Variants in PIK3AP1 observed in about 807,000 individuals in gnomAD.
PIK3AP1 encodes the protein phosphoinositide-3-kinase adaptor protein 1, also known as phosphoinositide 3-kinase adapter protein 1.
Under a neutral mutation model 88.1 loss-of-function variants are expected in PIK3AP1, and 21 were observed. The observed-to-expected ratio is 0.24, with a 90% CI of 0.17 to 0.34. The LOEUF is 0.34. Among genes scored for constraint, PIK3AP1 ranks in the 10% least tolerant of loss-of-function variants. The pLI, the probability that PIK3AP1 is intolerant of heterozygous loss-of-function variation, is 1.00. For synonymous variants in PIK3AP1, 398 were observed against 400.0 expected (o/e 1.00, Z 0.06); for missense variants, 828 against 1,035.7 (o/e 0.80, Z 2.75).
chr10:96,642,759 C>G (rs1843409176), intron 8 of PIK3AP1, among the ~76,000 whole-genome samples: 1 of 152,200 alleles, frequency 6.6e-6, no homozygotes, highest in Non-Finnish European at 1.5e-5. Context: ...AGGGGCCCAG[C>G]AGACCAGGAA....
Position 96,616,291 on chromosome 10 carries a change from C to T in PIK3AP1, c.2014+348G>A, listed in dbSNP as rs549743954. Among the ~76,000 whole-genome samples the T allele has an allele frequency of 5.9e-5, 9 of 152,294 alleles. No individual in the cohort carries two copies. In the South Asian group the frequency reaches 1.9e-3, roughly 32 times the overall value. ...GGGTAAATGGGATTTTCTCCTTTCT[C>T]TGCTTAAAAAACATAAGTCCTCCTA... On this transcript the variant is annotated intron_variant, in intron 13 of 16. Coordinates refer to ENST00000339364, the MANE Select transcript of PIK3AP1 (RefSeq NM_152309.3).
In PIK3AP1 at chr10:96,648,784, A is replaced by T. The variant is rs899601765; in HGVS notation, c.1060T>A (p.Leu354Met). ...AKYGLKNLTALLLTCPGALQA... is the reference protein window; with the variant it reads ...AKYGLKNLTAMLLTCPGALQA... ...AGGGCTCCTGGGCAGGTGAGCAACA[A>T]GGCAGTGAGGTTCTTCAGTCCATAC... Residue 354 changes from leucine to methionine, a missense_variant, in exon 7 of 17, where the codon TTG becomes ATG. Physicochemically the swap from Leu to Met is conservative, Grantham distance 15 (BLOSUM62 2). Around this residue, in one of 3 missense-constraint regions of PIK3AP1, gnomAD observed 610 missense variants for 760.1 expected, o/e 0.80. Transcript: ENST00000339364. The T allele has an allele frequency of 3.1e-6, 5 of 1,609,046 alleles. No homozygotes were observed. In the African/African-American group the frequency reaches 5.4e-5, roughly 17 times the overall value.
At chr10:96,661,822 C>T (rs769734777) in intron 2 of PIK3AP1, among the ~76,000 whole-genome samples, 7 of 139,066 alleles carry the variant, frequency 5.0e-5, no homozygotes, top group African/African-American at 8.4e-5. Flanking sequence ...CAGGACAGGA[C>T]AGGACAGGAA....
At chr10:96,613,251 A>G (rs1391564264) in intron 13 of PIK3AP1, among the ~76,000 whole-genome samples, 1 of 151,908 alleles carries the variant, frequency 6.6e-6, no homozygotes, top group Non-Finnish European at 1.5e-5. Flanking sequence ...CTCCCACTTC[A>G]GCCTCCCAAA....
intron 2 of PIK3AP1, among the ~76,000 whole-genome samples, chr10:96,690,655 G>C (rs897541415): frequency 6.6e-6 from 1 of 152,176 alleles, no homozygotes; most frequent in Non-Finnish European, 1.5e-5. Context: ...GATAAGAACA[G>C]CAATCTCCTT....
chr10:96,651,244 T>G lies in PIK3AP1; in HGVS notation c.988+4A>C. ...GGTTTCCTGAGGTTTGACTGTCAAC[T>G]TACTTGTCATCATATCTTCTTCTTC... On this transcript the variant is annotated splice_donor_region_variant and intron_variant, in intron 6 of 16. Transcript: ENST00000339364. The G allele has an allele frequency of 6.2e-7, 1 of 1,614,232 alleles. No individual in the cohort carries two copies. The highest frequency in any genetic ancestry group is 8.5e-7 in the Non-Finnish European group (1 of 1,180,042).
chr10:96,603,095 A>T (rs10882825), intron 15 of PIK3AP1, among the ~76,000 whole-genome samples: 127,975 of 151,840 alleles, frequency 0.84, 54,061 homozygotes, highest in East Asian at 0.99. Flanking sequence ...GATGCCCCTT[A>T]AGGTTTCACT....
chr10:96,677,524 C>A (rs1843939661), intron 2 of PIK3AP1, among the ~76,000 whole-genome samples: 1 of 151,296 alleles, frequency 6.6e-6, no homozygotes. Context: ...GTCTGTCCTG[C>A]CCCGATGCTC....
intron 6 of PIK3AP1, among the ~76,000 whole-genome samples, chr10:96,649,399 A>G (rs185295700): frequency 6.6e-6 from 1 of 152,314 alleles, no homozygotes; most frequent in Admixed American, 6.5e-5. Context: ...ATCTTCTCTA[A>G]CAGGACTGGA....
chr10:96,689,787 C>T (rs1156718280), intron 2 of PIK3AP1, among the ~76,000 whole-genome samples: 4 of 152,138 alleles, frequency 2.6e-5, no homozygotes, highest in Non-Finnish European at 4.4e-5. Context: ...CTCTACCCCA[C>T]AATCATGCAC....
At chr10:96,624,427 C>T (rs991442422) in intron 10 of PIK3AP1, among the ~76,000 whole-genome samples, 12 of 152,266 alleles carry the variant, frequency 7.9e-5, no homozygotes, top group Admixed American at 2.0e-4. Context: ...ATCTGACCTT[C>T]GCAATAAGGC....
At chr10:96,628,296 G>A (rs1365067284) in intron 9 of PIK3AP1, 102 bp downstream of exon 9, 7 of 982,168 alleles carry the variant, frequency 7.1e-6, no homozygotes, top group Non-Finnish European at 4.9e-6. Context: ...GTATGCAGCA[G>A]CCCATTCCTT....
At chr10:96,673,342 T>C (rs1362385006) in intron 2 of PIK3AP1, among the ~76,000 whole-genome samples, 2 of 152,192 alleles carry the variant, frequency 1.3e-5, no homozygotes, top group African/African-American at 4.8e-5. Flanking sequence ...TGGCGGGGTT[T>C]ATCAGGATCC....
chr10:96,717,935 T>G (rs958886324), intron 1 of PIK3AP1, among the ~76,000 whole-genome samples: 3 of 152,202 alleles, frequency 2.0e-5, no homozygotes, highest in Non-Finnish European at 4.4e-5. Flanking sequence ...TATAGACTAA[T>G]GCTTCCCCTT....
At chr10:96,704,661 G>A (rs1018699081) in intron 2 of PIK3AP1, among the ~76,000 whole-genome samples, 1 of 151,924 alleles carries the variant, frequency 6.6e-6, no homozygotes, top group African/African-American at 2.4e-5. Context: ...AGAGGTAGCA[G>A]TGAGCCGAGA....
At chr10:96,709,143 A>AC (rs930800430) in intron 2 of PIK3AP1, among the ~76,000 whole-genome samples, 3 of 151,514 alleles carry the variant, frequency 2.0e-5, no homozygotes, top group East Asian at 3.9e-4. Context: ...AAAAAAAAAA[A>AC]AAAAAAACCC....
intron 2 of PIK3AP1, among the ~76,000 whole-genome samples, chr10:96,673,373 T>G (rs1484787433): frequency 6.6e-6 from 1 of 152,182 alleles, no homozygotes; most frequent in Admixed American, 6.5e-5. Context: ...CTATCCAACC[T>G]GTATCCCATC....
chr10:96,673,697 A>C (rs1843878982), intron 2 of PIK3AP1, among the ~76,000 whole-genome samples: 1 of 152,168 alleles, frequency 6.6e-6, no homozygotes, highest in African/African-American at 2.4e-5. Flanking sequence ...GTCTGGATTT[A>C]CTGGTGTGAG....
intron 8 of PIK3AP1, among the ~76,000 whole-genome samples, chr10:96,631,478 G>A (rs977293617): frequency 1.3e-5 from 2 of 152,220 alleles, no homozygotes; most frequent in African/African-American, 4.8e-5. Context: ...AGAAGGAAGA[G>A]CAGTCCTGGC....
Sources: allele counts gnomAD v4.1 joint callset (sites outside exome capture counted in the v4.1 genomes callset), GRCh38; gene constraint gnomAD v4.1.1; regional missense constraint gnomAD v4.1.1; transcripts MANE v1.5; gene names NCBI Gene and HGNC (gene_info 2026-07-23, HGNC 2026-07-21).